PARD3: variants seen among roughly 807,000 people sequenced by gnomAD.
PARD3 encodes par-3 family cell polarity regulator, also known as partitioning defective 3 homolog.
Under a neutral mutation model 155.4 loss-of-function variants are expected in PARD3, and 75 were observed. The ratio of observed to expected loss-of-function variants is 0.48; its 90% CI spans 0.40 to 0.58. The LOEUF (loss-of-function observed/expected upper bound fraction) is 0.58, where lower values mean the gene tolerates loss of function less well. Ranked by LOEUF, PARD3 falls within the 20% of genes least tolerant of loss-of-function variation. The pLI, the probability that PARD3 is intolerant of heterozygous loss-of-function variation, is 0.00. For missense variants in PARD3, 1,642 were observed against 1,721.7 expected (o/e 0.95, Z 0.82); for synonymous variants, 576 against 610.5 (o/e 0.94, Z 0.83).
At chr10:34,445,001 G>A (rs950983179) in intron 5 of PARD3, among the ~76,000 whole-genome samples, 2 of 151,920 alleles carry the variant, frequency 1.3e-5, no homozygotes, top group Admixed American at 6.6e-5. Context: ...CAGACCACAC[G>A]ACTAAAGGAA....
At chr10:34,424,671 C>G (rs547593183) in intron 5 of PARD3, among the ~76,000 whole-genome samples, 1 of 151,976 alleles carries the variant, frequency 6.6e-6, no homozygotes, top group African/African-American at 2.4e-5. Flanking sequence ...CGCACCACCA[C>G]GCCGGACTAA....
At chr10:34,230,462 G>A (rs1245744846) in intron 22 of PARD3, among the ~76,000 whole-genome samples, 2 of 152,006 alleles carry the variant, frequency 1.3e-5, no homozygotes, top group African/African-American at 2.4e-5. Context: ...ATCTCAATAC[G>A]GCCAATATCT....
rs142703157 is a variant in PARD3, at chr10:34,122,292, T to C, written c.3541-2552A>G. ...CAAGGTCTTGTAGAAATTTCAGGTGTATTTTTAAGTTGTTTCTCCCATAGG... is the reference window on the plus strand; with the variant it reads ...CAAGGTCTTGTAGAAATTTCAGGTGCATTTTTAAGTTGTTTCTCCCATAGG... On this transcript the variant is annotated intron_variant, in intron 23 of 24. Coordinates refer to ENST00000374788, the MANE Select transcript of PARD3 (RefSeq NM_001184785.2). 6.6e-5 allele frequency among the ~76,000 whole-genome samples: 10 copies of C among 152,344 alleles called. No homozygotes were observed. In the East Asian group the frequency reaches 1.7e-3, roughly 26 times the overall value.
chr10:34,401,944 T>C (rs1169465484), intron 5 of PARD3, 27 bp from the exon 6 acceptor site: 2 of 1,545,398 alleles, frequency 1.3e-6, no homozygotes, highest in Non-Finnish European at 1.8e-6. Flanking sequence ...CAAAGAAAAG[T>C]ACACTCTGTG....
At chr10:34,510,887 A>G (rs2081361186) in intron 3 of PARD3, among the ~76,000 whole-genome samples, 1 of 152,210 alleles carries the variant, frequency 6.6e-6, no homozygotes, top group Admixed American at 6.5e-5. Context: ...AAATAATTTC[A>G]ATAACCTTAT....
At chr10:34,591,272 T>C (rs2088651957) in intron 2 of PARD3, among the ~76,000 whole-genome samples, 1 of 152,018 alleles carries the variant, frequency 6.6e-6, no homozygotes, top group African/African-American at 2.4e-5. Context: ...AAACAAAGGG[T>C]CTCCATTACC....
intron 22 of PARD3, among the ~76,000 whole-genome samples, chr10:34,196,294 G>A (rs1257034207): frequency 6.6e-6 from 1 of 152,118 alleles, no homozygotes; most frequent in African/African-American, 2.4e-5. Flanking sequence ...AGTGCTTTAA[G>A]CTCCGCTTGT....
intron 20 of PARD3, among the ~76,000 whole-genome samples, chr10:34,287,570 TAA>T (rs1956460744): frequency 1.3e-5 from 2 of 152,336 alleles, no homozygotes. Context: ...TTGCAAGTTT[TAA>T]AACAGTGTAG....
intron 5 of PARD3, among the ~76,000 whole-genome samples, chr10:34,444,763 T>C (rs561673455): frequency 2.0e-5 from 3 of 152,290 alleles, no homozygotes; most frequent in Non-Finnish European, 2.9e-5. Flanking sequence ...GTAGGACCAA[T>C]ACCACCCAAA....
chr10:34,642,524 CCCAGGCCTCT>C (rs1040274614), intron 2 of PARD3, among the ~76,000 whole-genome samples: 3 of 152,060 alleles, frequency 2.0e-5, no homozygotes, highest in Non-Finnish European at 4.4e-5. Flanking sequence ...ATTTCTCCTC[CCCAGGCCTCT>C]CCTAAGCCCC....
intron 3 of PARD3, among the ~76,000 whole-genome samples, chr10:34,486,026 C>G (rs117034516): frequency 6.7e-6 from 1 of 150,366 alleles, no homozygotes; most frequent in East Asian, 2.0e-4. Flanking sequence ...CAGGCTCACA[C>G]GATCCTCCTG....
chr10:34,476,114 C>A (rs1186960957), intron 3 of PARD3, among the ~76,000 whole-genome samples: 4 of 151,956 alleles, frequency 2.6e-5, no homozygotes, highest in African/African-American at 9.7e-5. Context: ...CACAGTGAGA[C>A]CTTACCTCAA....
At chr10:34,799,074 G>A (rs545764976) in intron 1 of PARD3, among the ~76,000 whole-genome samples, 2 of 152,208 alleles carry the variant, frequency 1.3e-5, no homozygotes, top group South Asian at 4.1e-4. Context: ...CACCAACTGG[G>A]GATGTCACTC....
rs573079716 is a variant in PARD3 at position 34,527,873 on chromosome 10, A to T, written c.223-10714T>A. Among the ~76,000 whole-genome samples, 63 of 152,294 alleles carry T rather than the reference A, an allele frequency of 4.1e-4. 1 individual carries two copies. Among genetic ancestry groups the T allele is most frequent in the African/African-American group, 1.4e-3 (59 of 41,578 alleles). On this transcript the variant is annotated intron_variant, in intron 2 of 24. Coordinates refer to ENST00000374788, the MANE Select transcript of PARD3 (RefSeq NM_001184785.2). ...TTCTGACTCCTTTTTTGCTACTCTC[A>T]TTATTTCAACACCTTCTACAAAGGA... is the stretch of plus-strand genomic sequence containing the variant.
intron 2 of PARD3, among the ~76,000 whole-genome samples, chr10:34,520,690 A>T (rs1322625498): frequency 1.3e-5 from 2 of 152,180 alleles, no homozygotes; most frequent in Admixed American, 6.5e-5. Flanking sequence ...GACAATACAA[A>T]AACAAATGAC....
At chr10:34,682,510 T>C (rs2093862144) in intron 2 of PARD3, among the ~76,000 whole-genome samples, 1 of 152,142 alleles carries the variant, frequency 6.6e-6, no homozygotes, top group Non-Finnish European at 1.5e-5. Context: ...CTACAGAAAC[T>C]CATTTCATAA....
At chr10:34,643,515 G>T (rs1003132562) in intron 2 of PARD3, among the ~76,000 whole-genome samples, 2 of 152,208 alleles carry the variant, frequency 1.3e-5, no homozygotes, top group African/African-American at 4.8e-5. Context: ...CAGGCATCAA[G>T]GCCTTCTGTA....
intron 12 of PARD3, 119 bp downstream of exon 12, chr10:34,372,379 G>T (rs1840774013): frequency 7.7e-6 from 6 of 777,458 alleles, no homozygotes; most frequent in South Asian, 1.5e-5. Context: ...ATAAACCCAT[G>T]TATTAAATAT....
intron 22 of PARD3, among the ~76,000 whole-genome samples, chr10:34,245,816 G>A (rs754473250): frequency 3.9e-5 from 6 of 152,206 alleles, no homozygotes; most frequent in Non-Finnish European, 8.8e-5. Flanking sequence ...ATCTGTCCCC[G>A]TTGAGTTCGT....
Sources: gnomAD v4.1 joint callset for allele counts (sites outside exome capture counted in the v4.1 genomes callset) on GRCh38, gnomAD v4.1.1 for gene constraint, MANE v1.5 for transcripts, NCBI Gene and HGNC (gene_info 2026-07-23, HGNC 2026-07-21) for gene names.